The following CRYM variants were observed in gnomAD, a reference collection of about 807,000 sequenced individuals.
CRYM encodes the protein ketimine reductase mu-crystallin.
In CRYM, 18 loss-of-function variants were observed where a neutral mutation model predicts 32.9. The observed-to-expected ratio is 0.55, with a 90% confidence interval of 0.38 to 0.81. CRYM has a LOEUF of 0.81. CRYM is among the 30% of genes least tolerant of loss of function. The pLI, the probability that CRYM is intolerant of heterozygous loss-of-function variation, is 0.00. For synonymous variants in CRYM, 153 were observed against 152.4 expected (o/e 1.00, Z -0.03); for missense variants, 337 against 393.5 (o/e 0.86, Z 1.21).
chr16:21,267,405 G>A, intron 5 of CRYM, 149 bp downstream of exon 5: 1 of 861,544 alleles, frequency 1.2e-6, no homozygotes, highest in East Asian at 2.6e-5. Context: ...GCCAAATATT[G>A]TTTTTTTCAA....
At chr16:21,278,474 C>T, upstream of CRYM, 4 of 603,336 alleles carry the variant, frequency 6.6e-6, no homozygotes, top group South Asian at 7.8e-5. Flanking sequence ...GCAACGGATT[C>T]CCCAAGATGG....
chr16:21,277,924 C>T lies in CRYM; in HGVS notation c.170+158G>A, dbSNP rs2093390285. On this transcript the variant is annotated intron_variant, in intron 1 of 7. Transcript: ENST00000572914. This position sits in a 1 kb window ranked among gnomAD's most constrained non-coding sequence, Gnocchi z 4.2. ...AATAAACAAGGTAACACCTGTAAAA[C>T]GCCCACTTAGCACACCGGGTAGCGC... Among the ~76,000 whole-genome samples, 1 of 152,182 alleles carries T rather than the reference C, an allele frequency of 6.6e-6. No individual in the cohort carries two copies. The highest frequency in any genetic ancestry group is 1.5e-5 in the Non-Finnish European group (1 of 68,018).
Position 21,275,713 on chromosome 16 carries a change from T to C in CRYM, c.325-119A>G, listed in dbSNP as rs547721324. On this transcript the variant is annotated intron_variant, in intron 2 of 7. Transcript: ENST00000572914. ...ATAGCATCCTACAAACAGCATGGGT[T>C]TGGCGTCAGACCTGGATCCGATTCC... is the stretch of plus-strand genomic sequence containing the variant. 3.3e-4 allele frequency: 261 copies of C among 796,470 alleles called. 1 individual carries two copies. In the African/African-American group the frequency reaches 4.2e-3, roughly 13 times the overall value. The allele number at this position is 796,470 out of a possible 1,614,324, so 49.3% of individuals were successfully genotyped here. A position where few individuals can be genotyped will look rare whatever the true frequency, so the allele number is the denominator to read the frequency against.
intron 1 of CRYM, among the ~76,000 whole-genome samples, chr16:21,300,659 T>TATAC (rs1337950992): frequency 6.6e-6 from 1 of 152,192 alleles, no homozygotes; most frequent in Non-Finnish European, 1.5e-5. Context: ...GAGGATGTTC[T>TATAC]ATACAGTCCT....
chr16:21,276,482 C>T (rs748578694), intron 2 of CRYM, among the ~76,000 whole-genome samples: 8 of 152,176 alleles, frequency 5.3e-5, no homozygotes, highest in East Asian at 1.9e-4. Context: ...CAGCTTGGAG[C>T]GCACAGACCT....
upstream of CRYM, among the ~76,000 whole-genome samples, chr16:21,281,678 G>A (rs922281828): frequency 6.6e-6 from 1 of 152,142 alleles, no homozygotes; most frequent in Non-Finnish European, 1.5e-5. Context: ...CCGACTATAG[G>A]ATGGTTCTGG....
At chr16:21,301,980 A>G (rs1048767824) in intron 1 of CRYM, among the ~76,000 whole-genome samples, 1 of 152,208 alleles carries the variant, frequency 6.6e-6, no homozygotes, top group East Asian at 1.9e-4. Context: ...CCCACCCGCT[A>G]GCCGCGATGG....
At chr16:21,282,761 A>G (rs1334693571), upstream of CRYM, among the ~76,000 whole-genome samples, 1 of 152,194 alleles carries the variant, frequency 6.6e-6, no homozygotes, top group African/African-American at 2.4e-5. Flanking sequence ...GCTTTGGTTC[A>G]CATCACCCAG....
At chr16:21,289,644 G>A (rs1387975906) in intron 1 of CRYM, among the ~76,000 whole-genome samples, 1 of 152,072 alleles carries the variant, frequency 6.6e-6, no homozygotes, top group Non-Finnish European at 1.5e-5. Context: ...CATATTAGGT[G>A]CAAACTTACC....
chr16:21,287,986 T>C (rs1368123880), intron 1 of CRYM, among the ~76,000 whole-genome samples: 1 of 152,214 alleles, frequency 6.6e-6, no homozygotes, highest in African/African-American at 2.4e-5. Flanking sequence ...GGGTGCAATC[T>C]TGTGGGATTG....
chr16:21,282,112 T>C (rs754425130), upstream of CRYM, among the ~76,000 whole-genome samples: 1 of 152,338 alleles, frequency 6.6e-6, no homozygotes, highest in Non-Finnish European at 1.5e-5. Flanking sequence ...GTTCTGATGA[T>C]AGTGAATGAG....
In CRYM at chr16:21,269,818, A is replaced by G; in HGVS notation, c.461T>C (p.Ile154Thr). 1.3e-6 allele frequency: 2 copies of G among 1,598,576 alleles called. No individual in the cohort carries two copies. Among genetic ancestry groups the G allele is most frequent in the Non-Finnish European group, 1.7e-6 (2 of 1,171,896 alleles). ...CTTAAAGGAGAACTGCTCTGTGAAG[A>G]TCTCATAATGGCTGTAGGCCTGGAC... ...AGVQAYSHYE[I>T]FTEQFSFKEV... is the part of the protein sequence containing the mutation. Residue 154 changes from isoleucine (I) to threonine (T), a missense_variant, in exon 4 of 8, where the codon ATC (isoleucine) becomes ACC (threonine). Physicochemically the swap from Ile to Thr is moderately conservative, Grantham distance 89. Transcript: ENST00000572914.
chr16:21,276,011 C>T (rs1029861853), intron 2 of CRYM, among the ~76,000 whole-genome samples: 2 of 152,174 alleles, frequency 1.3e-5, no homozygotes, highest in Non-Finnish European at 2.9e-5. Flanking sequence ...CTCTTAGTGG[C>T]TCTCCGTTCC....
At chr16:21,278,883 A>G (rs1326049435), upstream of CRYM, 1 of 152,302 alleles carries the variant, frequency 6.6e-6, no homozygotes, top group Non-Finnish European at 1.5e-5. Context: ...AAAGGGGGGA[A>G]GTTTGCAGGG....
chr16:21,263,701 C>G (rs1182278689), intron 5 of CRYM, among the ~76,000 whole-genome samples: 1 of 152,258 alleles, frequency 6.6e-6, no homozygotes, highest in Non-Finnish European at 1.5e-5. Context: ...GTCACGCCCC[C>G]TGGCACCAGG....
intron 1 of CRYM, among the ~76,000 whole-genome samples, chr16:21,290,382 C>A (rs116986998): frequency 6.6e-6 from 1 of 152,094 alleles, no homozygotes; most frequent in Non-Finnish European, 1.5e-5. Context: ...TCTGCAGCTT[C>A]TCTCCTGAGG....
chr16:21,292,255 C>A (rs948600311), intron 1 of CRYM, among the ~76,000 whole-genome samples: 1 of 152,188 alleles, frequency 6.6e-6, no homozygotes, highest in South Asian at 2.1e-4. Flanking sequence ...AATGAAACAT[C>A]TTCACTTTGA....
chr16:21,291,608 T>C (rs1960657946), intron 1 of CRYM, among the ~76,000 whole-genome samples: 2 of 152,120 alleles, frequency 1.3e-5, no homozygotes, highest in Admixed American at 1.3e-4. Context: ...TATATTGTAT[T>C]ATACATTAAT....
chr16:21,296,216 G>A (rs924590625), intron 1 of CRYM, among the ~76,000 whole-genome samples: 2 of 152,178 alleles, frequency 1.3e-5, no homozygotes, highest in African/African-American at 4.8e-5. Flanking sequence ...GGGATTAAAC[G>A]TGTGAGTCAC....
Sources: allele counts gnomAD v4.1 joint callset (sites outside exome capture counted in the v4.1 genomes callset), GRCh38; gene constraint gnomAD v4.1.1; non-coding constraint Gnocchi (gnomAD v3.1); transcripts MANE v1.5; gene names NCBI Gene and HGNC (gene_info 2026-07-23, HGNC 2026-07-21).